Variants in SETD1B observed in about 807,000 individuals in gnomAD.
SETD1B encodes the protein SET domain containing 1B, histone lysine methyltransferase, also known as histone-lysine N-methyltransferase SETD1B.
SETD1B carries 7 observed loss-of-function variants against 148.0 expected under a neutral mutation model. The ratio of observed to expected loss-of-function variants is 0.05; its 90% CI spans 0.03 to 0.09. The LOEUF (loss-of-function observed/expected upper bound fraction) is 0.09, where lower values mean the gene tolerates loss of function less well. Among genes scored for constraint, SETD1B ranks in the 10% least tolerant of loss-of-function variants. The probability of loss-of-function intolerance (pLI) is 1.00; values close to 1 mark genes in which losing one functional copy is unlikely to be tolerated. For missense variants in SETD1B, 2,155 were observed against 2,729.9 expected (o/e 0.79, Z 4.69); for synonymous variants, 1,361 against 1,186.5 (o/e 1.15, Z -3.02).
At chr12:121,803,853 G>C (rs1378599452), upstream of SETD1B, 1 of 153,062 alleles carries the variant, frequency 6.5e-6, no homozygotes, top group Non-Finnish European at 1.5e-5. The surrounding 1 kb of genome is among the most constrained non-coding windows in gnomAD (Gnocchi z 4.7). Context: ...GCGCGAGTGA[G>C]GGGTGGGGGG....
chr12:121,815,266 A>C (rs1876233982), intron 7 of SETD1B, among the ~76,000 whole-genome samples: 1 of 152,222 alleles, frequency 6.6e-6, no homozygotes, highest in Admixed American at 6.5e-5. Context: ...ATCTCTAAAA[A>C]TAAATGTGCA....
At position 121,814,297 on chromosome 12, in the gene SETD1B, A is replaced by G; in HGVS notation, c.2082A>G (p.Pro694=). 2.1e-6 allele frequency: 1 copy of G among 476,068 alleles called. No individual in the cohort carries two copies. The highest frequency in any genetic ancestry group is 3.9e-5 in the South Asian group (1 of 25,958). The allele number at this position is 476,068 out of a possible 1,614,324, so 29.5% of individuals were successfully genotyped here. A position where few individuals can be genotyped will look rare whatever the true frequency, so the allele number is the denominator to read the frequency against. Residue 694 remains proline (P), a synonymous_variant, in exon 7 of 17, where the codon CCA becomes CCG. Transcript: ENST00000604567. ...PPGFPPLPPP[P]PPPPPQPGFP... is the part of the protein sequence containing the mutation. ...GCTTCCCCCCGCTGCCCCCCCCACC[A>G]CCACCACCCCCACCGCAGCCTGGCT...
chr12:121,799,637 C>T (rs897198608), upstream of SETD1B: 1 of 151,452 alleles, frequency 6.6e-6, no homozygotes, highest in Non-Finnish European at 1.5e-5. Context: ...CTTACACGCC[C>T]CAAATGCCTG....
intron 6 of SETD1B, among the ~76,000 whole-genome samples, chr12:121,812,648 G>C (rs944906929): frequency 6.6e-6 from 1 of 151,980 alleles, no homozygotes; most frequent in Non-Finnish European, 1.5e-5. Flanking sequence ...GCCGCGGCGC[G>C]CTGTGCTCGG....
At chr12:121,827,417 C>A in intron 13 of SETD1B, 102 bp from the exon 14 acceptor site, 1 of 1,395,754 alleles carries the variant, frequency 7.2e-7, no homozygotes, top group Non-Finnish European at 9.4e-7. Flanking sequence ...AAGCCCAGAG[C>A]AAGGAGCCCA....
chr12:121,828,848 C>T lies in SETD1B; in HGVS notation c.5727+778C>T, dbSNP rs376467447. 8.5e-5 allele frequency among the ~76,000 whole-genome samples: 13 copies of T among 152,342 alleles called. No individual in the cohort carries two copies. In the South Asian group the frequency reaches 1.7e-3, roughly 19 times the overall value. ...AGGGCCACATAGGTGGGTCACTGCA[C>T]GTGGGCCATTTGAGTGCTGGCCAGG... is the stretch of plus-strand genomic sequence containing the variant. On this transcript the variant is annotated intron_variant, in intron 16 of 16. Coordinates refer to ENST00000604567, the MANE Select transcript of SETD1B (RefSeq NM_001353345.2).
In SETD1B at chr12:121,817,517, C is replaced by T. The variant is rs777900855; in HGVS notation, c.3125C>T (p.Ser1042Leu). 13 of 1,551,296 alleles carry T rather than the reference C, an allele frequency of 8.4e-6. No homozygotes were observed. Among genetic ancestry groups the T allele is most frequent in the African/African-American group, 6.8e-5 (5 of 73,032 alleles). The change falls in exon 9 of 17, where the codon TCG becomes TTG. Residue 1042 changes from serine to leucine, a missense_variant. Ser to Leu is a moderately radical substitution (Grantham distance 145). Around this residue, in one of 11 missense-constraint regions of SETD1B, gnomAD observed 862 missense variants for 873.8 expected, o/e 0.99. Transcript: ENST00000604567. The surrounding 1 kb of genome is among the most constrained non-coding windows in gnomAD (Gnocchi z 8.1). The part of the protein sequence containing the change: ...GGEEDEKESL[S>L]ASSSSSASSS... ...GAGGAGGACGAGAAGGAGTCATTGT[C>T]GGCGTCCTCGTCCTCATCCGCGTCA...
At position 121,825,195 on chromosome 12, in the gene SETD1B, C is replaced by T. The variant is rs899081967; in HGVS notation, c.5171-5C>T. The stretch of plus-strand genomic sequence containing the variant: ...ATGTCCATGTGGCCCTTGACCCACA[C>T]CCACCCACCAGCCTCTCTTCAGCTA... On this transcript the variant is annotated splice_polypyrimidine_tract_variant and splice_region_variant and intron_variant, in intron 12 of 16. Transcript: ENST00000604567. The T allele has an allele frequency of 1.9e-6, 3 of 1,551,200 alleles. No homozygotes were observed. The highest frequency in any genetic ancestry group is 2.6e-6 in the Non-Finnish European group (3 of 1,146,894).
Position 121,832,114 on chromosome 12 carries a change from A to C in SETD1B, c.*1875A>C, listed in dbSNP as rs1435690114. 2 of 152,132 alleles carry C rather than the reference A, an allele frequency of 1.3e-5. No individual in the cohort carries two copies. The highest frequency in any genetic ancestry group is 1.3e-4 in the Admixed American group (2 of 15,266). The allele number at this position is 152,132 out of a possible 1,614,324, so 9.4% of individuals were successfully genotyped here. Reference sequence around the variant, plus strand: ...GTAGCTTGTAGAGACGGCTGATTCAAGTTACATGTACAGCCTCCAAAGGGC... The same window carrying C: ...GTAGCTTGTAGAGACGGCTGATTCACGTTACATGTACAGCCTCCAAAGGGC... On this transcript the variant is annotated 3_prime_UTR_variant, in exon 17 of 17. Coordinates refer to ENST00000604567, the MANE Select transcript of SETD1B (RefSeq NM_001353345.2).
In SETD1B at chr12:121,810,575, G is replaced by A; in HGVS notation, c.1630G>A (p.Ala544Thr). 1 of 1,547,944 alleles carries A rather than the reference G, an allele frequency of 6.5e-7. No homozygotes were observed. The highest frequency in any genetic ancestry group is 2.4e-5 in the East Asian group (1 of 40,912). Reference sequence around the variant, plus strand: ...CTCCTCCTCCCAGCTCTCCCCACTGGCCCCCTTTGGCACCAACTCCCAGCC... The same window carrying A: ...CTCCTCCTCCCAGCTCTCCCCACTGACCCCCTTTGGCACCAACTCCCAGCC... ...SSSSSQLSPL[A>T]PFGTNSQPGF... Residue 544 changes from alanine to threonine, a missense_variant, in exon 6 of 17, where the codon GCC becomes ACC. Physicochemically the swap from Ala to Thr is moderately conservative, Grantham distance 58. Transcript: ENST00000604567. This position sits in a 1 kb window ranked among gnomAD's most constrained non-coding sequence, Gnocchi z 7.6.
At position 121,819,516 on chromosome 12, in the gene SETD1B, TGAG is replaced by T. The variant is rs769277495; in HGVS notation, c.3539_3541del (p.Glu1180del). ...AGTCCTCGCCCTCATCCTCGGAGGA[TGAG>T]GAGGAGGTAGTGGCCAGGGAAGAGG... On this transcript the variant is annotated inframe_deletion, in exon 11 of 17. Coordinates refer to ENST00000604567, the MANE Select transcript of SETD1B (RefSeq NM_001353345.2). 2.9e-5 allele frequency: 45 copies of T among 1,551,356 alleles called. No individual in the cohort carries two copies. The highest frequency in any genetic ancestry group is 3.8e-5 in the Non-Finnish European group (44 of 1,146,662).
chr12:121,799,767 T>C (rs1462754712), upstream of SETD1B: 1 of 112,684 alleles, frequency 8.9e-6, no homozygotes, highest in Non-Finnish European at 1.8e-5. Flanking sequence ...GCCCGGCGTG[T>C]TTGGGGTTCG....
the SETD1B span, among the ~76,000 whole-genome samples, chr12:121,791,753 TA>T: frequency 6.6e-6 from 1 of 152,132 alleles, no homozygotes; most frequent in African/African-American, 2.4e-5. Context: ...CGGGACCTGA[TA>T]GGGGAGGCCC....
rs888258779 is a variant in SETD1B, at chr12:121,822,977, G to A, written c.4398G>A (p.Val1466=). The change falls in exon 12 of 17, where the codon GTG becomes GTA. Residue 1466 remains valine (V), a synonymous_variant. Transcript: ENST00000604567. ...GCTCCGGGCCCCTGGCCTCCCCGGT[G>A]CTCCTGGAGACGGGCCTGCCCCTCC... ...DERSGPLASP[V]LLETGLPLPL... is the part of the protein sequence containing the mutation. 1.3e-6 allele frequency: 2 copies of A among 1,536,766 alleles called. No homozygotes were observed. The highest frequency in any genetic ancestry group is 1.2e-5 in the South Asian group (1 of 83,008).
chr12:121,820,735 G>A (rs778994195), intron 11 of SETD1B, among the ~76,000 whole-genome samples: 4 of 152,116 alleles, frequency 2.6e-5, no homozygotes, highest in South Asian at 4.2e-4. Flanking sequence ...GGGTTTCTCC[G>A]CGTTAGCCAG....
rs1877045989 is a variant in SETD1B at position 121,830,538 on chromosome 12, T to C, written c.*299T>C. 3.4e-6 allele frequency: 1 copy of C among 293,616 alleles called. No individual in the cohort carries two copies. Among genetic ancestry groups the C allele is most frequent in the Non-Finnish European group, 6.4e-6 (1 of 156,742 alleles). The allele number at this position is 293,616 out of a possible 1,614,324, so 18.2% of individuals were successfully genotyped here. A position where few individuals can be genotyped will look rare whatever the true frequency, so the allele number is the denominator to read the frequency against. ...CTCTCTCTCCGTCTCTCCTCCCCTC[T>C]CTCTCTTCTCTGTCTCTTCTCTCTC... On this transcript the variant is annotated 3_prime_UTR_variant, in exon 17 of 17. Transcript: ENST00000604567. The surrounding 1 kb of genome is among the most constrained non-coding windows in gnomAD (Gnocchi z 5.7).
chr12:121,813,788 C>T (rs1302180970), intron 6 of SETD1B, among the ~76,000 whole-genome samples: 1 of 152,184 alleles, frequency 6.6e-6, no homozygotes, highest in African/African-American at 2.4e-5. Flanking sequence ...TTCCTGCTGG[C>T]TCCGCTCCAC....
In SETD1B at chr12:121,830,515, C is replaced by T. The variant is rs770072555; in HGVS notation, c.*276C>T. ...CTGTTTAACTCCAGCATCAGCTTCT[C>T]TCTCTCCGTCTCTCCTCCCCTCTCT... On this transcript the variant is annotated 3_prime_UTR_variant, in exon 17 of 17. Coordinates refer to ENST00000604567, the MANE Select transcript of SETD1B (RefSeq NM_001353345.2). The surrounding 1 kb of genome is among the most constrained non-coding windows in gnomAD (Gnocchi z 5.7). The T allele has an allele frequency of 1.4e-5, 5 of 351,408 alleles. No homozygotes were observed. The highest frequency in any genetic ancestry group is 2.2e-5 in the African/African-American group (1 of 45,436). The allele number at this position is 351,408 out of a possible 1,614,324, so 21.8% of individuals were successfully genotyped here.
Position 121,805,574 on chromosome 12 carries a change from G to A in SETD1B, c.274-261G>A, listed in dbSNP as rs1226265324. Among the ~76,000 whole-genome samples, 1 of 152,064 alleles carries A rather than the reference G, an allele frequency of 6.6e-6. No individual in the cohort carries two copies. The highest frequency in any genetic ancestry group is 1.5e-5 in the Non-Finnish European group (1 of 67,990). On this transcript the variant is annotated intron_variant, in intron 3 of 16. Transcript: ENST00000604567. The surrounding 1 kb of genome is among the most constrained non-coding windows in gnomAD (Gnocchi z 4.2). ...AAGGCCAGAAAGGGGGGTGGGGAAA[G>A]AGAAACTGTTTCTTTTTCCCCTTTC...
Sources: allele counts gnomAD v4.1 joint callset (sites outside exome capture counted in the v4.1 genomes callset), GRCh38; gene constraint gnomAD v4.1.1; regional missense constraint gnomAD v4.1.1; non-coding constraint Gnocchi (gnomAD v3.1); transcripts MANE v1.5; gene names NCBI Gene and HGNC (gene_info 2026-07-23, HGNC 2026-07-21).